Variants in KANSL1L observed in about 807,000 individuals in gnomAD.
KANSL1L encodes the protein KAT8 regulatory NSL complex subunit 1 like.
KANSL1L carries 25 observed loss-of-function variants against 108.6 expected under a neutral mutation model. That is an observed-to-expected ratio of 0.23 (90% CI 0.17 to 0.32). The LOEUF is 0.32. Ranked by LOEUF, KANSL1L falls within the 10% of genes least tolerant of loss-of-function variation. The probability of loss-of-function intolerance (pLI) is 1.00; values close to 1 mark genes in which losing one functional copy is unlikely to be tolerated. For missense variants in KANSL1L, 1,137 were observed against 1,125.7 expected, an observed-to-expected ratio of 1.01 and a Z score of -0.14; for synonymous variants, 405 against 395.1, an observed-to-expected ratio of 1.03 and a Z score of -0.30.
At chr2:210,143,144 T>C (rs2095241957) in intron 2 of KANSL1L, among the ~76,000 whole-genome samples, 1 of 152,144 alleles carries the variant, frequency 6.6e-6, no homozygotes, top group African/African-American at 2.4e-5. Flanking sequence ...CATATGTTTA[T>C]AATGTAGTAT....
intron 8 of KANSL1L, among the ~76,000 whole-genome samples, chr2:210,038,604 C>G (rs1161801828): frequency 6.6e-6 from 1 of 151,908 alleles, no homozygotes; most frequent in East Asian, 1.9e-4. Flanking sequence ...TTAAGACATT[C>G]ATTTTTAACA....
chr2:210,079,648 A>ATATATATATATGTG lies in KANSL1L; in HGVS notation c.1551-3893_1551-3892insCACATATATATATA, dbSNP rs2094570727. Among the ~76,000 whole-genome samples, 10 of 15,200 alleles carry ATATATATATATGTG rather than the reference A, an allele frequency of 6.6e-4. 1 individual carries two copies. The East Asian group carries it at 0.018, about 27-fold the overall frequency. The allele number at this position is 15,200 out of a possible 152,430, so 10.0% of individuals were successfully genotyped here. A position where few individuals can be genotyped will look rare whatever the true frequency, so the allele number is the denominator to read the frequency against. ...TATATATATATATATATATATATAT[A>ATATATATATATGTG]TATATATATATATATATGTATGTGT... On this transcript the variant is annotated intron_variant, in intron 5 of 14. Coordinates refer to ENST00000281772, the MANE Select transcript of KANSL1L (RefSeq NM_152519.4).
At chr2:210,056,167 C>G (rs1288377504) in intron 6 of KANSL1L, among the ~76,000 whole-genome samples, 1 of 152,208 alleles carries the variant, frequency 6.6e-6, no homozygotes, top group East Asian at 1.9e-4. Context: ...GGTGCAAGCC[C>G]TAAGCCTTGG....
chr2:210,142,161 T>TTC (rs2095235082), intron 2 of KANSL1L, among the ~76,000 whole-genome samples: 2 of 152,148 alleles, frequency 1.3e-5, no homozygotes, highest in South Asian at 4.1e-4. Context: ...ATGGGGGACT[T>TTC]TATTACTGTT....
intron 3 of KANSL1L, among the ~76,000 whole-genome samples, chr2:210,122,217 A>G (rs2095028109): frequency 6.6e-6 from 1 of 152,200 alleles, no homozygotes; most frequent in Non-Finnish European, 1.5e-5. Flanking sequence ...AAAGACCCAG[A>G]ATAGCTAAAG....
chr2:210,029,165 T>G (rs2093979952), intron 10 of KANSL1L, 196 bp from the exon 11 acceptor site: 1 of 510,772 alleles, frequency 2.0e-6, no homozygotes, highest in African/African-American at 2.0e-5. Context: ...CAGAACAATC[T>G]CTTGGTAGAT....
intron 4 of KANSL1L, chr2:210,103,886 C>A: frequency 3.8e-6 from 1 of 263,348 alleles, no homozygotes; most frequent in Non-Finnish European, 7.0e-6. Context: ...CATACCAATT[C>A]CATTACTTTA....
chr2:210,073,480 G>A (rs1266125899), intron 6 of KANSL1L, among the ~76,000 whole-genome samples: 1 of 151,502 alleles, frequency 6.6e-6, no homozygotes, highest in Non-Finnish European at 1.5e-5. Flanking sequence ...AGGATCACTT[G>A]AGCCCAGGAG....
chr2:210,027,441 CT>C, intron 11 of KANSL1L, 91 bp from the exon 12 acceptor site: 2 of 782,324 alleles, frequency 2.6e-6, no homozygotes, highest in Admixed American at 4.0e-5. Flanking sequence ...TTAGTGTTTC[CT>C]TGGCACTTCC....
chr2:210,133,839 T>A (rs564150243), intron 2 of KANSL1L, among the ~76,000 whole-genome samples: 1 of 152,308 alleles, frequency 6.6e-6, no homozygotes, highest in East Asian at 1.9e-4. Flanking sequence ...AATTTCTACA[T>A]ATTTCAGACC....
intron 5 of KANSL1L, chr2:210,096,416 G>T: frequency 3.6e-6 from 3 of 835,864 alleles, no homozygotes; most frequent in Non-Finnish European, 4.3e-6. Flanking sequence ...CCTAGGACTT[G>T]ACTATGTGGC....
intron 1 of KANSL1L, among the ~76,000 whole-genome samples, chr2:210,169,853 T>C (rs912532910): frequency 1.3e-5 from 2 of 152,240 alleles, no homozygotes; most frequent in African/African-American, 2.4e-5. Flanking sequence ...ATGTGGGCTT[T>C]TAAAAAATTC....
At chr2:210,141,694 A>T (rs1479992001) in intron 2 of KANSL1L, among the ~76,000 whole-genome samples, 1 of 152,182 alleles carries the variant, frequency 6.6e-6, no homozygotes, top group Non-Finnish European at 1.5e-5. Flanking sequence ...ACTAAATTGG[A>T]TGTTAACTGT....
chr2:210,075,104 C>A (rs920804955), intron 6 of KANSL1L, among the ~76,000 whole-genome samples: 5 of 152,152 alleles, frequency 3.3e-5, no homozygotes, highest in Non-Finnish European at 7.4e-5. Context: ...GAGCACTCAA[C>A]AAGATTAATA....
chr2:210,058,781 G>A (rs369159330), intron 6 of KANSL1L, among the ~76,000 whole-genome samples: 2 of 149,680 alleles, frequency 1.3e-5, no homozygotes, highest in Non-Finnish European at 3.0e-5. Context: ...AATTTGCAGT[G>A]AGCTGAGATC....
intron 2 of KANSL1L, among the ~76,000 whole-genome samples, chr2:210,129,796 C>T (rs987346725): frequency 6.6e-6 from 1 of 151,972 alleles, no homozygotes; most frequent in African/African-American, 2.4e-5. Context: ...AAACCTGATT[C>T]CTAGGATTCA....
Position 210,097,965 on chromosome 2 carries a change from T to C in KANSL1L, c.1550+121A>G, listed in dbSNP as rs188540358. On this transcript the variant is annotated intron_variant, in intron 5 of 14. Coordinates refer to ENST00000281772, the MANE Select transcript of KANSL1L (RefSeq NM_152519.4). ...TGCATCCATGGTATATTGATTGTAC[T>C]CTAGTAGCCCCTAATGTACAAAAAA... 4,368 of 622,590 alleles carry C rather than the reference T, an allele frequency of 7.0e-3. 23 individuals are homozygous for C. The highest frequency in any genetic ancestry group is 9.3e-3 in the Middle Eastern group (20 of 2,152). The allele number at this position is 622,590 out of a possible 1,614,324, so 38.6% of individuals were successfully genotyped here.
intron 8 of KANSL1L, among the ~76,000 whole-genome samples, chr2:210,033,826 C>T (rs1437957728): frequency 2.6e-5 from 4 of 152,138 alleles, no homozygotes; most frequent in East Asian, 1.9e-4. Flanking sequence ...GCGTGAGCCA[C>T]CGCGCCCGGC....
intron 3 of KANSL1L, among the ~76,000 whole-genome samples, chr2:210,112,355 C>A (rs867356261): frequency 5.3e-5 from 8 of 152,046 alleles, no homozygotes; most frequent in Admixed American, 1.3e-4. Flanking sequence ...CTTAAAGGTA[C>A]CAGATAGAAA....
Sources: allele counts gnomAD v4.1 joint callset (sites outside exome capture counted in the v4.1 genomes callset), GRCh38; gene constraint gnomAD v4.1.1; transcripts MANE v1.5; gene names NCBI Gene and HGNC (gene_info 2026-07-23, HGNC 2026-07-21).